The following ERC2 variants were observed in gnomAD, a reference collection of about 807,000 sequenced individuals.
The protein encoded by ERC2 is ELKS/RAB6-interacting/CAST family member 2.
ERC2 carries 42 observed loss-of-function variants against 114.8 expected under a neutral mutation model. The observed-to-expected ratio is 0.37, with a 90% CI of 0.29 to 0.47. The LOEUF (loss-of-function observed/expected upper bound fraction) is 0.47, where lower values mean the gene tolerates loss of function less well. ERC2 is among the 20% of genes least tolerant of loss of function. The pLI is 0.99. For missense variants in ERC2, 939 were observed against 1,150.7 expected, an observed-to-expected ratio of 0.82 and a Z score of 2.66; for synonymous variants, 454 against 425.5, an observed-to-expected ratio of 1.07 and a Z score of -0.82.
chr3:55,539,341 T>C (rs576523580), intron 17 of ERC2, among the ~76,000 whole-genome samples: 2 of 151,900 alleles, frequency 1.3e-5, no homozygotes, highest in African/African-American at 2.4e-5. Flanking sequence ...TATCCATGCT[T>C]GGAGATTTTC....
intron 17 of ERC2, among the ~76,000 whole-genome samples, chr3:55,633,456 A>G (rs913061392): frequency 2.6e-5 from 4 of 152,078 alleles, no homozygotes; most frequent in Non-Finnish European, 5.9e-5. Context: ...CTTCCCCACG[A>G]AGGTTCTGAA....
At chr3:55,877,888 A>G (rs1424625905) in intron 14 of ERC2, among the ~76,000 whole-genome samples, 2 of 152,074 alleles carry the variant, frequency 1.3e-5, no homozygotes, top group Non-Finnish European at 2.9e-5. Context: ...CCTTGCATCA[A>G]GGGGTTAAAT....
intron 14 of ERC2, among the ~76,000 whole-genome samples, chr3:55,804,762 A>G (rs1256159833): frequency 2.0e-5 from 3 of 152,116 alleles, no homozygotes; most frequent in South Asian, 2.1e-4. Flanking sequence ...CCATACCCCA[A>G]AATGAAATAG....
At chr3:55,889,162 C>A (rs2063494942) in intron 13 of ERC2, among the ~76,000 whole-genome samples, 1 of 152,182 alleles carries the variant, frequency 6.6e-6, no homozygotes, top group Admixed American at 6.5e-5. Context: ...GCACAATATA[C>A]TTTTGTGTGT....
At chr3:55,997,028 A>G (rs1002436945) in intron 10 of ERC2, among the ~76,000 whole-genome samples, 2 of 152,204 alleles carry the variant, frequency 1.3e-5, no homozygotes, top group African/African-American at 4.8e-5. Flanking sequence ...CCAGATCCCT[A>G]GAAAGGAAAG....
intron 12 of ERC2, among the ~76,000 whole-genome samples, chr3:55,972,649 G>A (rs774366336): frequency 1.3e-5 from 2 of 152,172 alleles, no homozygotes; most frequent in Non-Finnish European, 2.9e-5. Flanking sequence ...GTGTATATGT[G>A]TCACATTTTC....
At chr3:56,060,851 T>C (rs1164484335) in intron 7 of ERC2, among the ~76,000 whole-genome samples, 1 of 152,192 alleles carries the variant, frequency 6.6e-6, no homozygotes, top group Non-Finnish European at 1.5e-5. Flanking sequence ...CAAAGATTTG[T>C]GGAGACACTG....
intron 14 of ERC2, among the ~76,000 whole-genome samples, chr3:55,833,235 T>C (rs2060700676): frequency 6.7e-6 from 1 of 150,248 alleles, no homozygotes; most frequent in African/African-American, 2.5e-5. Context: ...CAGACCAACA[T>C]TCAGATTCAG....
intron 14 of ERC2, among the ~76,000 whole-genome samples, chr3:55,821,310 GGCCACT>G (rs1051579243): frequency 6.6e-6 from 1 of 152,076 alleles, no homozygotes; most frequent in African/African-American, 2.4e-5. Context: ...CTGGCTCGCC[GGCCACT>G]GTGGTCTGTA....
At chr3:56,202,312 A>G (rs1051939786) in intron 3 of ERC2, among the ~76,000 whole-genome samples, 19 of 152,220 alleles carry the variant, frequency 1.2e-4, no homozygotes, top group Non-Finnish European at 2.1e-4. Flanking sequence ...AAAACACATT[A>G]AACACGTTTA....
At chr3:55,683,523 T>A (rs1485366748) in intron 17 of ERC2, among the ~76,000 whole-genome samples, 1 of 152,052 alleles carries the variant, frequency 6.6e-6, no homozygotes, top group Non-Finnish European at 1.5e-5. Context: ...AGGGCACAGT[T>A]TACATCTTAA....
chr3:55,823,264 T>C (rs979840283), intron 14 of ERC2, among the ~76,000 whole-genome samples: 2 of 152,204 alleles, frequency 1.3e-5, no homozygotes, highest in African/African-American at 4.8e-5. Flanking sequence ...TCCAAGGCTT[T>C]AAATTCCCAT....
intron 4 of ERC2, among the ~76,000 whole-genome samples, chr3:56,154,243 A>AAAAAGAACG (rs1375176509): frequency 2.7e-4 from 41 of 152,262 alleles, no homozygotes; most frequent in African/African-American, 9.4e-4. Flanking sequence ...ACATATTAGT[A>AAAAAGAACG]AAAAGAACGA....
chr3:55,955,263 TG>T, intron 12 of ERC2: 1 of 357,968 alleles, frequency 2.8e-6, no homozygotes, highest in South Asian at 1.9e-5. Flanking sequence ...TGTGTGTGTG[TG>T]TGTGTGTGTG....
intron 14 of ERC2, among the ~76,000 whole-genome samples, chr3:55,836,112 A>G (rs1167667920): frequency 2.6e-5 from 4 of 151,618 alleles, no homozygotes; most frequent in African/African-American, 7.3e-5. Flanking sequence ...GAGGATACAA[A>G]CAAATGGAAG....
At chr3:56,169,413 T>A (rs781504059) in intron 4 of ERC2, among the ~76,000 whole-genome samples, 1 of 152,234 alleles carries the variant, frequency 6.6e-6, no homozygotes, top group Non-Finnish European at 1.5e-5. Context: ...TTATGTGTCA[T>A]CTCAGTAATT....
At chr3:55,578,456 C>T (rs1194252212) in intron 17 of ERC2, among the ~76,000 whole-genome samples, 1 of 152,168 alleles carries the variant, frequency 6.6e-6, no homozygotes, top group Non-Finnish European at 1.5e-5. Context: ...CACCTGTCTC[C>T]TCAGAAAGGC....
chr3:56,127,742 A>C (rs1560218170), intron 6 of ERC2, among the ~76,000 whole-genome samples: 1 of 151,386 alleles, frequency 6.6e-6, no homozygotes, highest in South Asian at 2.1e-4. Flanking sequence ...AAAAAAAAAA[A>C]CCAGCATAGT....
At chr3:55,576,739 G>A (rs1397843027) in intron 17 of ERC2, among the ~76,000 whole-genome samples, 10 of 152,230 alleles carry the variant, frequency 6.6e-5, no homozygotes, top group Non-Finnish European at 1.2e-4. Flanking sequence ...CTGGGCTGAC[G>A]GCCCCGTCCT....
Sources: allele counts gnomAD v4.1 joint callset (sites outside exome capture counted in the v4.1 genomes callset), GRCh38; gene constraint gnomAD v4.1.1; transcripts MANE v1.5; gene names NCBI Gene and HGNC (gene_info 2026-07-23, HGNC 2026-07-21).